Variants in PCDH15 observed in about 807,000 individuals in gnomAD.
PCDH15 encodes protocadherin related 15.
Under a neutral mutation model 178.5 loss-of-function variants are expected in PCDH15, and 129 were observed. The observed-to-expected ratio is 0.72, with a 90% CI of 0.63 to 0.84. The LOEUF is 0.84. PCDH15 is among the 40% of genes least tolerant of loss of function. The probability of loss-of-function intolerance (pLI) is 0.00; values close to 1 mark genes in which losing one functional copy is unlikely to be tolerated. For missense variants in PCDH15, 2,230 were observed against 2,099.9 expected, an observed-to-expected ratio of 1.06 and a Z score of -1.21; for synonymous variants, 800 against 732.0, an observed-to-expected ratio of 1.09 and a Z score of -1.50.
chr10:55,015,894 C>A (rs536543165), intron 2 of PCDH15, among the ~76,000 whole-genome samples: 157 of 152,062 alleles, frequency 1.0e-3, no homozygotes, highest in African/African-American at 3.5e-3. Flanking sequence ...CACAGGAGAT[C>A]TATGAGGGTA....
chr10:54,905,649 T>G (rs1954706190), intron 2 of PCDH15, among the ~76,000 whole-genome samples: 1 of 152,076 alleles, frequency 6.6e-6, no homozygotes, highest in Non-Finnish European at 1.5e-5. Context: ...TCAAGGAAAC[T>G]AGGTCGTGAA....
At chr10:53,949,760 C>G (rs762933305) in intron 23 of PCDH15, among the ~76,000 whole-genome samples, 1 of 152,062 alleles carries the variant, frequency 6.6e-6, no homozygotes, top group Non-Finnish European at 1.5e-5. Flanking sequence ...TGTTCCTCAA[C>G]ATAAGGTAAT....
intron 2 of PCDH15, among the ~76,000 whole-genome samples, chr10:55,093,827 C>T (rs1006992652): frequency 5.3e-5 from 8 of 152,040 alleles, no homozygotes; most frequent in Non-Finnish European, 7.4e-5. Flanking sequence ...AAATGCAAAT[C>T]AAAACCACAA....
intron 1 of PCDH15, among the ~76,000 whole-genome samples, chr10:54,740,541 G>T (rs67080228): frequency 0.093 from 14,160 of 151,550 alleles, 712 homozygotes; most frequent in Admixed American, 0.11. Context: ...TCCAAAAAAA[G>T]GAAATCAGAA....
At chr10:55,415,154 C>T (rs372344433) in intron 2 of PCDH15, among the ~76,000 whole-genome samples, 1 of 151,358 alleles carries the variant, frequency 6.6e-6, no homozygotes. Flanking sequence ...TGCTCTTTGG[C>T]CCTTATTGAA....
chr10:55,591,239 C>A (rs1346866030), intron 2 of PCDH15, among the ~76,000 whole-genome samples: 1 of 152,006 alleles, frequency 6.6e-6, no homozygotes, highest in East Asian at 1.9e-4. Flanking sequence ...TTGAGAACAG[C>A]CTGTACAACA....
rs536170900 is a variant in PCDH15, at chr10:53,808,575, T to G, written c.4672-1445A>C. The G allele has an allele frequency of 2.1e-6, 3 of 1,459,086 alleles. No homozygotes were observed. In the African/African-American group the frequency reaches 4.3e-5, roughly 21 times the overall value. The allele number at this position is 1,459,086 out of a possible 1,614,324, so 90.4% of individuals were successfully genotyped here. A position where few individuals can be genotyped will look rare whatever the true frequency, so the allele number is the denominator to read the frequency against. On this transcript the variant is annotated intron_variant, in intron 37 of 37. Transcript: ENST00000644397. ...TTTCTGGCATGCTTCTGATCATAAG[T>G]CATATCAAAATCTTGATCAATTTCC...
intron 1 of PCDH15, among the ~76,000 whole-genome samples, chr10:54,747,284 C>T (rs1159431357): frequency 2.6e-5 from 4 of 152,180 alleles, no homozygotes; most frequent in Non-Finnish European, 5.9e-5. Flanking sequence ...GCAAAAAGAT[C>T]ATTCTAATCA....
At chr10:54,717,997 A>G (rs2095501786) in intron 1 of PCDH15, among the ~76,000 whole-genome samples, 1 of 147,962 alleles carries the variant, frequency 6.8e-6, no homozygotes, top group Admixed American at 6.8e-5. Context: ...CATTCTCAGT[A>G]AAATATCACA....
At chr10:53,853,328 G>T (rs931655599) in intron 28 of PCDH15, among the ~76,000 whole-genome samples, 1 of 151,774 alleles carries the variant, frequency 6.6e-6, no homozygotes, top group Non-Finnish European at 1.5e-5. Context: ...AGAATAAAAC[G>T]TATGAGAGGT....
intron 2 of PCDH15, among the ~76,000 whole-genome samples, chr10:54,596,384 A>G (rs1236431603): frequency 2.0e-5 from 3 of 152,180 alleles, no homozygotes; most frequent in Admixed American, 6.6e-5. Flanking sequence ...GTGAAGGGAA[A>G]TATGATCCTT....
chr10:55,570,950 A>T (rs544197500), intron 2 of PCDH15, among the ~76,000 whole-genome samples: 3 of 152,208 alleles, frequency 2.0e-5, no homozygotes, highest in Non-Finnish European at 4.4e-5. Context: ...GGCCACTATC[A>T]TAAAAGCAAT....
intron 1 of PCDH15, among the ~76,000 whole-genome samples, chr10:55,284,142 C>T (rs982346094): frequency 3.3e-5 from 5 of 152,026 alleles, no homozygotes; most frequent in African/African-American, 7.2e-5. Context: ...GGTTTTCTAA[C>T]GAAAACATTT....
Position 55,420,626 on chromosome 10 carries a change from T to C in PCDH15, c.-156+206999A>G, listed in dbSNP as rs538669416. Among the ~76,000 whole-genome samples the C allele has an allele frequency of 4.0e-5, 6 of 151,790 alleles. No individual in the cohort carries two copies. The East Asian group carries it at 1.2e-3, about 29-fold the overall frequency. On this transcript the variant is annotated intron_variant, in intron 2 of 5. Coordinates refer to the PCDH15 transcript ENST00000613346. Reference sequence around the variant, plus strand: ...ACTGGAGCATGGGGAACAGGAAATATAACCCAAAGGTCCACCGATTAACAT... The same window carrying C: ...ACTGGAGCATGGGGAACAGGAAATACAACCCAAAGGTCCACCGATTAACAT...
chr10:54,571,281 G>A (rs930747501), intron 2 of PCDH15, among the ~76,000 whole-genome samples: 7 of 144,298 alleles, frequency 4.9e-5, no homozygotes, highest in African/African-American at 1.6e-4. Flanking sequence ...GAAGATACCA[G>A]TCCCACCCTC....
At chr10:55,607,589 T>C (rs1843252437) in intron 2 of PCDH15, among the ~76,000 whole-genome samples, 1 of 147,622 alleles carries the variant, frequency 6.8e-6, no homozygotes, top group South Asian at 2.2e-4. Context: ...TGAGTTCATG[T>C]CCTTTGTAGG....
intron 2 of PCDH15, among the ~76,000 whole-genome samples, chr10:55,619,079 G>T (rs1843535861): frequency 6.6e-6 from 1 of 151,940 alleles, no homozygotes; most frequent in East Asian, 1.9e-4. Flanking sequence ...TTTCTTTTTA[G>T]GATCAGCTAA....
intron 3 of PCDH15, among the ~76,000 whole-genome samples, chr10:54,887,900 A>G (rs142467164): frequency 2.6e-5 from 4 of 152,236 alleles, no homozygotes; most frequent in Non-Finnish European, 5.9e-5. Flanking sequence ...ATCTTTTACA[A>G]TTTCCAACTA....
At chr10:54,826,723 T>C (rs1953138301) in intron 3 of PCDH15, among the ~76,000 whole-genome samples, 1 of 151,732 alleles carries the variant, frequency 6.6e-6, no homozygotes. Context: ...AGACTCATTA[T>C]TTTTACATCT....
Sources: allele counts gnomAD v4.1 joint callset (sites outside exome capture counted in the v4.1 genomes callset), GRCh38; gene constraint gnomAD v4.1.1; transcripts MANE v1.5; gene names NCBI Gene and HGNC (gene_info 2026-07-23, HGNC 2026-07-21).